The following ST6GALNAC3 variants were observed in gnomAD, a reference collection of about 807,000 sequenced individuals.
The protein encoded by ST6GALNAC3 is ST6 N-acetylgalactosaminide alpha-2,6-sialyltransferase 3.
A neutral mutation model predicts 32.7 loss-of-function variants in ST6GALNAC3; 25 were observed. That is an observed-to-expected ratio of 0.76 (90% CI 0.56 to 1.07). The LOEUF (loss-of-function observed/expected upper bound fraction) is 1.07. Among genes scored for constraint, ST6GALNAC3 ranks in the 50% least tolerant of loss-of-function variants. The probability of loss-of-function intolerance (pLI) is 0.00; values close to 1 mark genes in which losing one functional copy is unlikely to be tolerated. For missense variants in ST6GALNAC3, 355 were observed against 382.4 expected (o/e 0.93, Z 0.60); for synonymous variants, 129 against 133.1 (o/e 0.97, Z 0.21).
chr1:76,488,403 G>A (rs927260576), intron 3 of ST6GALNAC3, among the ~76,000 whole-genome samples: 7 of 152,034 alleles, frequency 4.6e-5, no homozygotes. Flanking sequence ...CATGCTTCCT[G>A]TAAAGCCCGC....
chr1:76,475,391 T>C (rs1659286263), intron 3 of ST6GALNAC3, among the ~76,000 whole-genome samples: 1 of 152,206 alleles, frequency 6.6e-6, no homozygotes, highest in Non-Finnish European at 1.5e-5. Context: ...GGGGTTGTTT[T>C]GAAGAGTAAA....
chr1:76,476,687 C>T (rs1659374818), intron 3 of ST6GALNAC3, among the ~76,000 whole-genome samples: 1 of 152,094 alleles, frequency 6.6e-6, no homozygotes, highest in African/African-American at 2.4e-5. Context: ...TTTTTCTCTT[C>T]CTCAGAGGAG....
intron 3 of ST6GALNAC3, among the ~76,000 whole-genome samples, chr1:76,498,843 T>A (rs1661011732): frequency 6.6e-6 from 1 of 152,120 alleles, no homozygotes; most frequent in Non-Finnish European, 1.5e-5. Context: ...ACTCTGCTTT[T>A]CTGTGTTCTG....
chr1:76,538,459 C>T (rs1205888227), intron 3 of ST6GALNAC3, among the ~76,000 whole-genome samples: 1 of 152,116 alleles, frequency 6.6e-6, no homozygotes, highest in Non-Finnish European at 1.5e-5. Flanking sequence ...CAAACCAGTA[C>T]AAGACAAGGA....
intron 2 of ST6GALNAC3, among the ~76,000 whole-genome samples, chr1:76,328,944 T>G (rs1296258245): frequency 1.3e-5 from 2 of 152,164 alleles, no homozygotes; most frequent in Non-Finnish European, 2.9e-5. Flanking sequence ...TTATTTTTTA[T>G]TTTTTTAGGG....
At chr1:76,369,229 T>C (rs1415890067) in intron 2 of ST6GALNAC3, among the ~76,000 whole-genome samples, 1 of 152,106 alleles carries the variant, frequency 6.6e-6, no homozygotes, top group African/African-American at 2.4e-5. Flanking sequence ...GAAGCTCCTC[T>C]GTGTCTCTTA....
chr1:76,160,668 A>G (rs1651749108), intron 1 of ST6GALNAC3, among the ~76,000 whole-genome samples: 1 of 152,178 alleles, frequency 6.6e-6, no homozygotes, highest in Non-Finnish European at 1.5e-5. Flanking sequence ...ACCAGAATAT[A>G]AATCAATGCA....
At chr1:76,501,082 A>G (rs1368401972) in intron 3 of ST6GALNAC3, among the ~76,000 whole-genome samples, 3 of 152,180 alleles carry the variant, frequency 2.0e-5, no homozygotes, top group African/African-American at 7.2e-5. Flanking sequence ...CCTTGTTCCA[A>G]TGTTGTCAGT....
chr1:76,299,596 A>G (rs555124695), intron 1 of ST6GALNAC3, among the ~76,000 whole-genome samples: 1 of 152,168 alleles, frequency 6.6e-6, no homozygotes, highest in South Asian at 2.1e-4. Context: ...GCACCAGAGC[A>G]GAAGTTTTAG....
At chr1:76,472,543 G>C (rs1159879410) in intron 3 of ST6GALNAC3, among the ~76,000 whole-genome samples, 1 of 152,088 alleles carries the variant, frequency 6.6e-6, no homozygotes, top group African/African-American at 2.4e-5. Context: ...GACCACCCAA[G>C]CTAAAACCCA....
intron 3 of ST6GALNAC3, among the ~76,000 whole-genome samples, chr1:76,445,926 C>A (rs1172292753): frequency 6.6e-6 from 1 of 152,132 alleles, no homozygotes; most frequent in African/African-American, 2.4e-5. Context: ...TACTTCTGTG[C>A]CGTTTCAATT....
At chr1:76,635,574 T>C (rs1477110305), downstream of ST6GALNAC3, among the ~76,000 whole-genome samples, 2 of 152,178 alleles carry the variant, frequency 1.3e-5, no homozygotes, top group South Asian at 2.1e-4. Flanking sequence ...CCAGAGTCCA[T>C]ACCTATCTGG....
chr1:76,255,030 C>CT (rs11444517), intron 1 of ST6GALNAC3, among the ~76,000 whole-genome samples: 113,893 of 146,350 alleles, frequency 0.78, 44,312 homozygotes, highest in East Asian at 0.93. Flanking sequence ...CTCTCTCTCT[C>CT]TTTTTTTTTT....
At chr1:76,154,706 T>C (rs1651284595) in intron 1 of ST6GALNAC3, among the ~76,000 whole-genome samples, 1 of 152,166 alleles carries the variant, frequency 6.6e-6, no homozygotes, top group Non-Finnish European at 1.5e-5. Context: ...CCTGGGCTGA[T>C]CTTGCTTATT....
chr1:76,564,005 G>A (rs1255469883), intron 3 of ST6GALNAC3, among the ~76,000 whole-genome samples: 2 of 152,176 alleles, frequency 1.3e-5, no homozygotes, highest in East Asian at 3.9e-4. Flanking sequence ...TAGACAAGAG[G>A]TACGAGAGTA....
intron 1 of ST6GALNAC3, among the ~76,000 whole-genome samples, chr1:76,261,622 C>A (rs998010115): frequency 6.6e-6 from 1 of 152,162 alleles, no homozygotes; most frequent in Non-Finnish European, 1.5e-5. Context: ...AAAGAATGAC[C>A]ATGAGGACAA....
intron 1 of ST6GALNAC3, among the ~76,000 whole-genome samples, chr1:76,110,519 A>C (rs888937193): frequency 6.6e-6 from 1 of 152,250 alleles, no homozygotes; most frequent in Non-Finnish European, 1.5e-5. Flanking sequence ...GCTTGCCACT[A>C]ACCTGCACTG....
At chr1:76,267,830 AGACTCTCTAAT>A (rs1557739521) in intron 1 of ST6GALNAC3, among the ~76,000 whole-genome samples, 1 of 152,254 alleles carries the variant, frequency 6.6e-6, no homozygotes, top group African/African-American at 2.4e-5. Flanking sequence ...AAATACTGGC[AGACTCTCTAAT>A]GACTGTGACT....
intron 3 of ST6GALNAC3, among the ~76,000 whole-genome samples, chr1:76,601,086 T>A (rs965882948): frequency 6.6e-6 from 1 of 152,118 alleles, no homozygotes. Context: ...TAGTCCCAGA[T>A]ACTCAGGAGG....
Sources: allele counts gnomAD v4.1 joint callset (sites outside exome capture counted in the v4.1 genomes callset), GRCh38; gene constraint gnomAD v4.1.1; transcripts MANE v1.5; gene names NCBI Gene and HGNC (gene_info 2026-07-23, HGNC 2026-07-21).